TDRKH: variants seen among roughly 807,000 people sequenced by gnomAD.
TDRKH encodes tudor and KH domain-containing protein.
A neutral mutation model predicts 61.3 loss-of-function variants in TDRKH; 28 were observed. That is an observed-to-expected ratio of 0.46 (90% CI 0.34 to 0.63). The LOEUF (loss-of-function observed/expected upper bound fraction) is 0.63, where lower values mean the gene tolerates loss of function less well. Ranked by LOEUF, TDRKH falls within the 20% of genes least tolerant of loss-of-function variation. The pLI is 0.01. For missense variants in TDRKH, 540 were observed against 683.4 expected, an observed-to-expected ratio of 0.79 and a Z score of 2.34; for synonymous variants, 219 against 244.4, an observed-to-expected ratio of 0.90 and a Z score of 0.97.
chr1:151,769,831 A>G (rs574235577), downstream of TDRKH, among the ~76,000 whole-genome samples: 289 of 152,346 alleles, frequency 1.9e-3, no homozygotes, highest in Middle Eastern at 0.014. Context: ...CCGGCACCTC[A>G]GGAGGCCGAG....
At chr1:151,788,061 G>C (rs1191009109) in intron 1 of TDRKH, among the ~76,000 whole-genome samples, 3 of 152,100 alleles carry the variant, frequency 2.0e-5, no homozygotes, top group African/African-American at 7.2e-5. Context: ...TTATACAAGG[G>C]ACATGAGCAT....
intron 6 of TDRKH, among the ~76,000 whole-genome samples, chr1:151,778,297 A>G (rs1311542057): frequency 2.6e-5 from 4 of 152,236 alleles, no homozygotes; most frequent in Admixed American, 2.0e-4. Context: ...TCATGTATCT[A>G]TCTTTTGCTG....
downstream of TDRKH, chr1:151,770,352 T>C: frequency 2.0e-6 from 3 of 1,485,428 alleles, no homozygotes; most frequent in Admixed American, 2.2e-5. Flanking sequence ...TCTTTAAAAA[T>C]GCACCCTCAG....
At position 151,776,207 on chromosome 1, in the gene TDRKH, G is replaced by A. The variant is rs774490077; in HGVS notation, c.1106C>T (p.Ser369Phe). The A allele has an allele frequency of 2.5e-6, 4 of 1,614,148 alleles. No individual in the cohort carries two copies. Among genetic ancestry groups the A allele is most frequent in the Non-Finnish European group, 3.4e-6 (4 of 1,180,028 alleles). Residue 369 changes from serine (S) to phenylalanine (F), a missense_variant, in exon 8 of 13, where the codon TCC (serine) becomes TTC (phenylalanine). By Grantham distance (155) the Ser-to-Phe change is radical (BLOSUM62 -2). Around this residue, in one of 3 missense-constraint regions of TDRKH, gnomAD observed 379 missense variants for 443.8 expected, o/e 0.85. Coordinates refer to ENST00000368824, the MANE Select transcript of TDRKH (RefSeq NM_001083965.2). ...GCCGAGGACCCGGGCTCGATACCAGGAACCATTTGTAGGTAAAGGTGCTGC... is the reference window on the plus strand; with the variant it reads ...GCCGAGGACCCGGGCTCGATACCAGAAACCATTTGTAGGTAAAGGTGCTGC... ...IVAAPLPTNG[S>F]WYRARVLGTL...
intron 1 of TDRKH, 175 bp from the exon 2 acceptor site, chr1:151,783,224 A>T (rs997964199): frequency 1.8e-5 from 8 of 438,976 alleles, no homozygotes; most frequent in Non-Finnish European, 3.1e-5. Context: ...GGTATTTTTT[A>T]AAAGTTAGCT....
At chr1:151,769,374 C>CT (rs1648533076), downstream of TDRKH, 2 of 95,264 alleles carry the variant, frequency 2.1e-5, no homozygotes, top group Non-Finnish European at 4.2e-5. Flanking sequence ...CGGGCGGAGA[C>CT]GCCCCTCACT....
chr1:151,783,188 A>G, intron 1 of TDRKH, 139 bp from the exon 2 acceptor site: 2 of 643,162 alleles, frequency 3.1e-6, no homozygotes, highest in Non-Finnish European at 4.7e-6. Flanking sequence ...CAATTTCAAA[A>G]TTTATTTCAT....
At chr1:151,772,913 T>C (rs535324976), downstream of TDRKH, among the ~76,000 whole-genome samples, 3 of 152,232 alleles carry the variant, frequency 2.0e-5, no homozygotes, top group South Asian at 6.2e-4. Context: ...TGAGACAAGG[T>C]TGTGTGGTGG....
intron 1 of TDRKH, among the ~76,000 whole-genome samples, chr1:151,784,446 T>C (rs1356405988): frequency 6.6e-6 from 1 of 152,234 alleles, no homozygotes; most frequent in African/African-American, 2.4e-5. Flanking sequence ...AAATCCACTC[T>C]AACTGCTCAC....
In TDRKH at chr1:151,776,164, G is replaced by A. The variant is rs758062003; in HGVS notation, c.1149C>T (p.Asn383=). The A allele has an allele frequency of 6.2e-7, 1 of 1,614,128 alleles. No homozygotes were observed. Among genetic ancestry groups the A allele is most frequent in the Non-Finnish European group, 8.5e-7 (1 of 1,180,032 alleles). The change falls in exon 8 of 13, where the codon AAC becomes AAT. Residue 383 remains asparagine (N), a synonymous_variant. Coordinates refer to ENST00000368824, the MANE Select transcript of TDRKH (RefSeq NM_001083965.2). ...CAAAGTCAACAAAATAGAGGTCCAA[G>A]TTCCCATTCTCCAAGGTGCCGAGGA... The part of the protein sequence containing the change: ...ARVLGTLENG[N]LDLYFVDFGD...
downstream of TDRKH, among the ~76,000 whole-genome samples, chr1:151,768,450 A>G (rs1262740012): frequency 6.6e-6 from 1 of 152,230 alleles, no homozygotes; most frequent in Non-Finnish European, 1.5e-5. Context: ...AATAACGGGA[A>G]GTACTTTCTA....
At chr1:151,767,320 T>A, downstream of TDRKH, 1 of 1,609,098 alleles carries the variant, frequency 6.2e-7, no homozygotes, top group Non-Finnish European at 8.5e-7. Flanking sequence ...TGTGAGCTAG[T>A]GCTGTGACAG....
At chr1:151,789,108 G>A (rs1650637647) in intron 1 of TDRKH, among the ~76,000 whole-genome samples, 1 of 152,198 alleles carries the variant, frequency 6.6e-6, no homozygotes, top group Non-Finnish European at 1.5e-5. Flanking sequence ...GGAATGCAGT[G>A]AATGATAATA....
chr1:151,775,770 G>T, intron 9 of TDRKH, 50 bp downstream of exon 9: 1 of 1,589,388 alleles, frequency 6.3e-7, no homozygotes, highest in South Asian at 1.1e-5. Flanking sequence ...TGAACTGTAT[G>T]AAGTTATTCT....
At chr1:151,780,841 C>T (rs1375716669) in intron 3 of TDRKH, among the ~76,000 whole-genome samples, 4 of 138,370 alleles carry the variant, frequency 2.9e-5, no homozygotes, top group East Asian at 2.1e-4. Context: ...CAGAGCCAGA[C>T]TCTGTCTCAA....
downstream of TDRKH, chr1:151,771,316 A>T: frequency 6.5e-7 from 1 of 1,527,972 alleles, no homozygotes. Context: ...CTAGGAATAA[A>T]GGGTAGTGCA....
chr1:151,774,248 C>A lies in TDRKH; in HGVS notation c.*204G>T, dbSNP rs1480026478. 2.4e-5 allele frequency: 14 copies of A among 586,282 alleles called. No individual in the cohort carries two copies. In the East Asian group the frequency reaches 4.0e-4, roughly 17 times the overall value. The allele number at this position is 586,282 out of a possible 1,614,324, so 36.3% of individuals were successfully genotyped here. A position where few individuals can be genotyped will look rare whatever the true frequency, so the allele number is the denominator to read the frequency against. On this transcript the variant is annotated 3_prime_UTR_variant, in exon 13 of 13. Coordinates refer to ENST00000368824, the MANE Select transcript of TDRKH (RefSeq NM_001083965.2). ...AAATCCTGCCAAAGACAGAAATACACAAAAAGCTTGAAAGTGCTCAATCTG... is the reference window on the plus strand; with the variant it reads ...AAATCCTGCCAAAGACAGAAATACAAAAAAAGCTTGAAAGTGCTCAATCTG...
At chr1:151,781,344 T>TATATATATATATA (rs61409858) in intron 3 of TDRKH, 137 bp downstream of exon 3, 13 of 182,744 alleles carry the variant, frequency 7.1e-5, no homozygotes, top group South Asian at 3.9e-4. Flanking sequence ...TATATATATA[T>TATATATATATATA]TTTATATATA....
downstream of TDRKH, chr1:151,766,735 G>A: frequency 6.4e-7 from 1 of 1,552,932 alleles, no homozygotes; most frequent in South Asian, 1.2e-5. Flanking sequence ...CCTTGTAAGA[G>A]GTGTCGCCCC....
Sources: gnomAD v4.1 joint callset for allele counts (sites outside exome capture counted in the v4.1 genomes callset) on GRCh38, gnomAD v4.1.1 for gene constraint, gnomAD v4.1.1 regional missense constraint, MANE v1.5 for transcripts, NCBI Gene and HGNC (gene_info 2026-07-23, HGNC 2026-07-21) for gene names.